PRNP: variants seen among roughly 807,000 people sequenced by gnomAD.
PRNP encodes the protein major prion protein.
PRNP carries 15 observed loss-of-function variants against 21.3 expected under a neutral mutation model. That is an observed-to-expected ratio of 0.71 (90% CI 0.47 to 1.09). The LOEUF (loss-of-function observed/expected upper bound fraction) is 1.09. Ranked by LOEUF, PRNP falls within the 50% of genes least tolerant of loss-of-function variation. The pLI, the probability that PRNP is intolerant of heterozygous loss-of-function variation, is 0.00. For synonymous variants in PRNP, 121 were observed against 123.1 expected, an observed-to-expected ratio of 0.98 and a Z score of 0.11; for missense variants, 285 against 340.9, an observed-to-expected ratio of 0.84 and a Z score of 1.29.
At chr20:4,698,378 A>G (rs1922304435) in intron 1 of PRNP, among the ~76,000 whole-genome samples, 1 of 152,220 alleles carries the variant, frequency 6.6e-6, no homozygotes, top group South Asian at 2.1e-4. Context: ...GAAGGAGATG[A>G]AAAATAATTT....
rs540996867 is a variant in PRNP at position 4,700,351 on chromosome 20, T to C, written c.*369T>C. On this transcript the variant is annotated 3_prime_UTR_variant, in exon 2 of 2. Coordinates refer to ENST00000379440, the MANE Select transcript of PRNP (RefSeq NM_000311.5). The surrounding 1 kb of genome is among the most constrained non-coding windows in gnomAD (Gnocchi z 4.1). ...GGATACCTCTGGCTCCTTCAGCAGC[T>C]AGAGCTCAGTATACTAATGCCCTAT... is the stretch of plus-strand genomic sequence containing the variant. 1.5e-4 allele frequency: 62 copies of C among 414,624 alleles called. No homozygotes were observed. Among genetic ancestry groups the C allele is most frequent in the Non-Finnish European group, 2.7e-4 (57 of 209,520 alleles). The allele number at this position is 414,624 out of a possible 1,614,324, so 25.7% of individuals were successfully genotyped here.
chr20:4,696,015 A>G (rs188901973), intron 1 of PRNP, among the ~76,000 whole-genome samples: 2 of 152,144 alleles, frequency 1.3e-5, no homozygotes, highest in East Asian at 1.9e-4. Flanking sequence ...CTCTCCGTCT[A>G]TTCCTGAGCT....
At position 4,699,663 on chromosome 20, in the gene PRNP, G is replaced by C; in HGVS notation, c.443G>C (p.Arg148Pro). 1.2e-6 allele frequency: 2 copies of C among 1,614,102 alleles called. No homozygotes were observed. The highest frequency in any genetic ancestry group is 1.7e-6 in the Non-Finnish European group (2 of 1,180,030). The stretch of plus-strand genomic sequence containing the variant: ...CATTTCGGCAGTGACTATGAGGACC[G>C]TTACTATCGTGAAAACATGCACCGT... Reference protein sequence around the residue: ...IIHFGSDYEDRYYRENMHRYP... With the variant: ...IIHFGSDYEDPYYRENMHRYP... The change falls in exon 2 of 2, where the codon CGT (arginine) becomes CCT (proline). Residue 148 changes from arginine (R) to proline (P), a missense_variant. Arg to Pro is a moderately radical substitution (Grantham distance 103). Coordinates refer to ENST00000379440, the MANE Select transcript of PRNP (RefSeq NM_000311.5). This position sits in a 1 kb window ranked among gnomAD's most constrained non-coding sequence, Gnocchi z 5.8.
intron 1 of PRNP, among the ~76,000 whole-genome samples, chr20:4,696,614 A>G (rs145896155): frequency 6.6e-6 from 1 of 152,248 alleles, no homozygotes; most frequent in Non-Finnish European, 1.5e-5. Flanking sequence ...ACTTCTTTGC[A>G]TATGGCCTTG....
At chr20:4,691,271 A>G (rs936957760) in intron 1 of PRNP, among the ~76,000 whole-genome samples, 1 of 152,148 alleles carries the variant, frequency 6.6e-6, no homozygotes, top group Non-Finnish European at 1.5e-5. Flanking sequence ...TCAAAATACC[A>G]ATGACATTCT....
chr20:4,695,397 G>C (rs1236779221), intron 1 of PRNP, among the ~76,000 whole-genome samples: 6 of 152,040 alleles, frequency 3.9e-5, no homozygotes, highest in Non-Finnish European at 8.8e-5. Flanking sequence ...TGGGTTTTCT[G>C]TTCCTGTGTC....
intron 1 of PRNP, among the ~76,000 whole-genome samples, chr20:4,687,568 T>A (rs1459836235): frequency 2.7e-5 from 4 of 150,688 alleles, no homozygotes; most frequent in Admixed American, 1.3e-4. Flanking sequence ...CTCTTCTCTT[T>A]GAGGTGGCTG....
Position 4,700,325 on chromosome 20 carries a change from T to C in PRNP, c.*343T>C. On this transcript the variant is annotated 3_prime_UTR_variant, in exon 2 of 2. Transcript: ENST00000379440. The surrounding 1 kb of genome is among the most constrained non-coding windows in gnomAD (Gnocchi z 4.1). ...CAGAACAGTCTGAAATACCTTTGCC[T>C]GGATACCTCTGGCTCCTTCAGCAGC... 2.1e-6 allele frequency: 1 copy of C among 482,566 alleles called. No homozygotes were observed. The highest frequency in any genetic ancestry group is 3.9e-6 in the Non-Finnish European group (1 of 254,782). The allele number at this position is 482,566 out of a possible 1,614,324, so 29.9% of individuals were successfully genotyped here.
At chr20:4,687,488 C>A (rs185805316) in intron 1 of PRNP, among the ~76,000 whole-genome samples, 25 of 152,338 alleles carry the variant, frequency 1.6e-4, no homozygotes, top group African/African-American at 4.8e-4. Flanking sequence ...GTGCGGCAGG[C>A]GCCTTCACGT....
At chr20:4,695,189 T>C (rs980100321) in intron 1 of PRNP, among the ~76,000 whole-genome samples, 2 of 152,152 alleles carry the variant, frequency 1.3e-5, no homozygotes, top group African/African-American at 4.8e-5. Context: ...GTTTGTTCCA[T>C]AGGTAAACTC....
chr20:4,696,428 C>A (rs1922172266), intron 1 of PRNP, among the ~76,000 whole-genome samples: 1 of 152,176 alleles, frequency 6.6e-6, no homozygotes, highest in African/African-American at 2.4e-5. Context: ...TCAGTTATTG[C>A]TACTGTAGAG....
In PRNP at chr20:4,700,169, GC is replaced by G. The variant is rs1165291134; in HGVS notation, c.*192del. The G allele has an allele frequency of 6.6e-7, 1 of 1,525,938 alleles. No homozygotes were observed. Among genetic ancestry groups the G allele is most frequent in the Admixed American group, 2.0e-5 (1 of 50,840 alleles). 94.5% of individuals were successfully genotyped at this position (1,525,938 alleles called of 1,614,324 possible). A position where few individuals can be genotyped will look rare whatever the true frequency, so the allele number is the denominator to read the frequency against. ...AGAGTAGACCTGAGATGCTGGTCAA[GC>G]CCCCTTTGATTGAGTTCATCATGAG... On this transcript the variant is annotated 3_prime_UTR_variant, in exon 2 of 2. Coordinates refer to ENST00000379440, the MANE Select transcript of PRNP (RefSeq NM_000311.5). This position sits in a 1 kb window ranked among gnomAD's most constrained non-coding sequence, Gnocchi z 4.1.
intron 1 of PRNP, among the ~76,000 whole-genome samples, chr20:4,698,111 G>A (rs1922287381): frequency 6.6e-6 from 1 of 152,068 alleles, no homozygotes; most frequent in South Asian, 2.1e-4. Context: ...ACGAGATTGT[G>A]GGGACTACAT....
intron 1 of PRNP, among the ~76,000 whole-genome samples, chr20:4,693,747 T>C (rs548543184): frequency 5.8e-4 from 88 of 152,218 alleles, no homozygotes; most frequent in Non-Finnish European, 1.1e-3. Flanking sequence ...ACACTTGAAA[T>C]GTGTGTTAAG....
In PRNP at chr20:4,697,453, G is replaced by C. The variant is rs1249012080; in HGVS notation, c.-10-1758G>C. On this transcript the variant is annotated intron_variant, in intron 1 of 1. Coordinates refer to ENST00000379440, the MANE Select transcript of PRNP (RefSeq NM_000311.5). The surrounding 1 kb of genome is among the most constrained non-coding windows in gnomAD (Gnocchi z 4.6). Reference sequence around the variant, plus strand: ...CCAGAGAATAATGAAGCCAGGAAAGGGGGTGGGCTAGGGGGTGCTGTTTTA... The same window carrying C: ...CCAGAGAATAATGAAGCCAGGAAAGCGGGTGGGCTAGGGGGTGCTGTTTTA... 6.6e-6 allele frequency among the ~76,000 whole-genome samples: 1 copy of C among 152,200 alleles called. No individual in the cohort carries two copies. The highest frequency in any genetic ancestry group is 2.4e-5 in the African/African-American group (1 of 41,446).
chr20:4,691,660 T>C (rs1921834062), intron 1 of PRNP, among the ~76,000 whole-genome samples: 1 of 152,236 alleles, frequency 6.6e-6, no homozygotes, highest in Non-Finnish European at 1.5e-5. Flanking sequence ...TGAATTTGCT[T>C]CGCTAGAATT....
intron 1 of PRNP, among the ~76,000 whole-genome samples, chr20:4,689,402 C>T (rs988699454): frequency 3.9e-5 from 6 of 152,332 alleles, no homozygotes; most frequent in African/African-American, 1.4e-4. Flanking sequence ...CTTGTAAAAT[C>T]AGCTTAATTT....
intron 1 of PRNP, among the ~76,000 whole-genome samples, chr20:4,696,142 TC>T (rs1380987749): frequency 6.6e-6 from 1 of 152,210 alleles, no homozygotes; most frequent in Non-Finnish European, 1.5e-5. Flanking sequence ...GACATTTTCT[TC>T]CCCATAGAAG....
chr20:4,687,050 T>TG (rs1336744971), intron 1 of PRNP, among the ~76,000 whole-genome samples: 1 of 151,390 alleles, frequency 6.6e-6, no homozygotes, highest in Non-Finnish European at 1.5e-5. Context: ...AGAGGGTGCT[T>TG]GGGGGGATGG....
Sources: allele counts gnomAD v4.1 joint callset (sites outside exome capture counted in the v4.1 genomes callset), GRCh38; gene constraint gnomAD v4.1.1; non-coding constraint Gnocchi (gnomAD v3.1); transcripts MANE v1.5; gene names NCBI Gene and HGNC (gene_info 2026-07-23, HGNC 2026-07-21).